RERE: variants seen among roughly 807,000 people sequenced by gnomAD.
RERE encodes arginine-glutamic acid dipeptide repeats protein.
A neutral mutation model predicts 146.1 loss-of-function variants in RERE; 40 were observed. The observed-to-expected ratio is 0.27, with a 90% CI of 0.21 to 0.36. The LOEUF (loss-of-function observed/expected upper bound fraction) is 0.36, where lower values mean the gene tolerates loss of function less well. Ranked by LOEUF, RERE falls within the 10% of genes least tolerant of loss-of-function variation. RERE has a pLI of 1.00. For missense variants in RERE, 1,933 were observed against 2,138.7 expected (o/e 0.90, Z 1.90); for synonymous variants, 1,003 against 866.0 (o/e 1.16, Z -2.78).
chr1:8,576,626 T>C (rs1163014115), intron 4 of RERE, among the ~76,000 whole-genome samples: 2 of 152,156 alleles, frequency 1.3e-5, no homozygotes, highest in African/African-American at 2.4e-5. Context: ...GGGTCAAAGA[T>C]TGAAATGTAA....
Position 8,360,501 on chromosome 1 carries a change from G to A in RERE, c.3006C>T (p.Ala1002=). ...PQSQPLPSSP[A]QPPGLTQSQN... is the part of the protein sequence containing the mutation. ...GGCTCTGGGTCAGCCCGGGGGGCTG[G>A]GCGGGCGAGGAGGGCAATGGCTGGC... is the stretch of plus-strand genomic sequence containing the variant. The change falls in exon 18 of 23, where the codon GCC becomes GCT. Residue 1002 remains alanine (A), a synonymous_variant. Coordinates refer to ENST00000400908, the MANE Select transcript of RERE (RefSeq NM_001042681.2). 3 of 1,386,050 alleles carry A rather than the reference G, an allele frequency of 2.2e-6. No individual in the cohort carries two copies. Among genetic ancestry groups the A allele is most frequent in the African/African-American group, 3.1e-5 (2 of 64,944 alleles). 85.9% of individuals were successfully genotyped at this position (1,386,050 alleles called of 1,614,324 possible).
intron 10 of RERE, among the ~76,000 whole-genome samples, chr1:8,466,239 G>C (rs1295655157): frequency 6.6e-6 from 1 of 152,064 alleles, no homozygotes; most frequent in African/African-American, 2.4e-5. Context: ...AGGCAGGCAA[G>C]GCAGAAAATA....
chr1:8,496,276 T>C (rs1401082306), intron 9 of RERE, among the ~76,000 whole-genome samples: 1 of 151,376 alleles, frequency 6.6e-6, no homozygotes, highest in Non-Finnish European at 1.5e-5. Flanking sequence ...AACAGCCAGG[T>C]AACTGGGGCA....
intron 12 of RERE, among the ~76,000 whole-genome samples, chr1:8,415,652 A>G (rs543273119): frequency 2.1e-5 from 3 of 145,486 alleles, no homozygotes; most frequent in Non-Finnish European, 2.9e-5. Context: ...CACCAGCACC[A>G]AAAGTCTCTT....
intron 12 of RERE, among the ~76,000 whole-genome samples, chr1:8,381,706 T>C (rs1642466331): frequency 6.6e-6 from 1 of 152,210 alleles, no homozygotes; most frequent in Admixed American, 6.5e-5. Flanking sequence ...TGAAAATGAT[T>C]TCCCCAGCCC....
chr1:8,360,171 C>G lies in RERE; in HGVS notation c.3336G>C (p.Arg1112Ser). ...EEPESPPPPP[R>S]SPSPEPTVVD... is the part of the protein sequence containing the mutation. ...CCACAGTGGGCTCCGGGGACGGGCT[C>G]CTTGGTGGGGGAGGGGGGCTCTCAG... is the stretch of plus-strand genomic sequence containing the variant. Residue 1112 changes from arginine to serine, a missense_variant, in exon 18 of 23, where the codon AGG becomes AGC. Physicochemically the swap from Arg to Ser is moderately radical, Grantham distance 110. Coordinates refer to ENST00000400908, the MANE Select transcript of RERE (RefSeq NM_001042681.2). 6.2e-7 allele frequency: 1 copy of G among 1,600,162 alleles called. No individual in the cohort carries two copies. The highest frequency in any genetic ancestry group is 8.5e-7 in the Non-Finnish European group (1 of 1,173,978).
intron 4 of RERE, among the ~76,000 whole-genome samples, chr1:8,561,411 C>T (rs1319576400): frequency 6.6e-6 from 1 of 152,112 alleles, no homozygotes; most frequent in East Asian, 1.9e-4. Flanking sequence ...TAAAGGGAGG[C>T]AGTGTGTGGT....
rs1330812015 is a variant in RERE, at chr1:8,480,170, C to T, written c.1105-14147G>A. On this transcript the variant is annotated intron_variant, in intron 10 of 22. Transcript: ENST00000400908. ...TTTTTTTTTTTTTGAGACACAGTCT[C>T]GCTCTGTTGCCCAGGCTGCAGTGCA... Among the ~76,000 whole-genome samples the T allele has an allele frequency of 6.6e-5, 9 of 137,062 alleles. No individual in the cohort carries two copies. The Admixed American group carries it at 7.0e-4, about 11-fold the overall frequency. 89.9% of individuals were successfully genotyped at this position (137,062 alleles called of 152,430 possible).
chr1:8,675,738 TATACATACATACATACATAC>T lies in RERE; in HGVS notation c.-144-19317_-144-19298del, dbSNP rs59265268. 3.5e-3 allele frequency among the ~76,000 whole-genome samples: 518 copies of T among 147,882 alleles called. 15 individuals are homozygous for T. The East Asian group carries it at 0.079, about 23-fold the overall frequency. ...AACTCCGACTCAAAATACATACATA[TATACATACATACATACATAC>T]ATACATACATACATACATACATACA... On this transcript the variant is annotated intron_variant, in intron 1 of 22. Transcript: ENST00000400908.
chr1:8,778,847 A>G (rs1249344660), intron 1 of RERE, among the ~76,000 whole-genome samples: 2 of 151,896 alleles, frequency 1.3e-5, no homozygotes, highest in Admixed American at 6.6e-5. Context: ...TACAGTTACT[A>G]AACAGTTTTG....
At chr1:8,518,336 G>A (rs1645448186) in intron 7 of RERE, among the ~76,000 whole-genome samples, 1 of 152,144 alleles carries the variant, frequency 6.6e-6, no homozygotes, top group South Asian at 2.1e-4. Context: ...GGACAGAAAA[G>A]GCTCAAGTCA....
At chr1:8,615,898 C>T (rs1230250521) in intron 3 of RERE, among the ~76,000 whole-genome samples, 1 of 139,432 alleles carries the variant, frequency 7.2e-6, no homozygotes, top group Non-Finnish European at 1.6e-5. Flanking sequence ...ATCTAGAGTA[C>T]ATCCTGGGAT....
intron 1 of RERE, among the ~76,000 whole-genome samples, chr1:8,741,022 A>T (rs2124502452): frequency 6.6e-6 from 1 of 152,342 alleles, no homozygotes; most frequent in South Asian, 2.1e-4. Flanking sequence ...AATGTGCTAT[A>T]TTTCATATAA....
At chr1:8,790,687 A>G (rs1012097861) in intron 1 of RERE, among the ~76,000 whole-genome samples, 7 of 152,224 alleles carry the variant, frequency 4.6e-5, no homozygotes, top group Non-Finnish European at 7.3e-5. Context: ...AGGTTCAAGC[A>G]ATTCTCGTAC....
At chr1:8,426,281 C>T (rs301808) in intron 11 of RERE, among the ~76,000 whole-genome samples, 3 of 151,716 alleles carry the variant, frequency 2.0e-5, no homozygotes, top group South Asian at 2.1e-4. Context: ...AGTGAAACCC[C>T]GTCTCTACTA....
At chr1:8,731,397 T>C (rs925388640) in intron 1 of RERE, among the ~76,000 whole-genome samples, 2 of 152,268 alleles carry the variant, frequency 1.3e-5, no homozygotes, top group South Asian at 2.1e-4. Flanking sequence ...AGGAGCTTTG[T>C]AGACCTGGGG....
At chr1:8,411,222 T>C (rs990609821) in intron 12 of RERE, among the ~76,000 whole-genome samples, 1 of 151,948 alleles carries the variant, frequency 6.6e-6, no homozygotes, top group Admixed American at 6.6e-5. Context: ...ATCCTTCAAC[T>C]CATCTGGTGG....
chr1:8,616,283 A>G (rs1051750692), intron 3 of RERE, among the ~76,000 whole-genome samples: 1 of 152,198 alleles, frequency 6.6e-6, no homozygotes, highest in African/African-American at 2.4e-5. Context: ...AACATTTTAT[A>G]TATTTTAAAG....
intron 11 of RERE, among the ~76,000 whole-genome samples, chr1:8,460,195 G>A (rs888922445): frequency 3.3e-5 from 5 of 152,082 alleles, no homozygotes; most frequent in East Asian, 1.9e-4. Context: ...AAGCAGCCCC[G>A]TCTTCTGGCA....
Sources: gnomAD v4.1 joint callset for allele counts (sites outside exome capture counted in the v4.1 genomes callset) on GRCh38, gnomAD v4.1.1 for gene constraint, MANE v1.5 for transcripts, NCBI Gene and HGNC (gene_info 2026-07-23, HGNC 2026-07-21) for gene names.